The following CSMD1 variants were observed in gnomAD, a reference collection of about 807,000 sequenced individuals.
CSMD1 encodes the protein CUB and sushi domain-containing protein 1.
In CSMD1, 213 loss-of-function variants were observed where a neutral mutation model predicts 417.5. That is an observed-to-expected ratio of 0.51 (90% CI 0.46 to 0.57). CSMD1 has a LOEUF of 0.57. Among genes scored for constraint, CSMD1 ranks in the 20% least tolerant of loss-of-function variants. The probability of loss-of-function intolerance (pLI) is 0.00; values close to 1 mark genes in which losing one functional copy is unlikely to be tolerated. For synonymous variants in CSMD1, 2,862 were observed against 1,736.8 expected (o/e 1.65, Z -16.11); for missense variants, 6,923 against 4,529.7 (o/e 1.53, Z -15.17).
At chr8:4,860,031 C>A (rs1333717214) in intron 1 of CSMD1, among the ~76,000 whole-genome samples, 1 of 151,890 alleles carries the variant, frequency 6.6e-6, no homozygotes, top group East Asian at 1.9e-4. Context: ...CAATGATAGA[C>A]TGGATTAAGA....
intron 7 of CSMD1, among the ~76,000 whole-genome samples, chr8:3,638,631 G>A (rs550376584): frequency 2.6e-5 from 4 of 152,164 alleles, no homozygotes; most frequent in Admixed American, 6.5e-5. Context: ...TCATGTGGAG[G>A]AGCAGGTGAA....
intron 5 of CSMD1, among the ~76,000 whole-genome samples, chr8:3,901,872 C>G (rs534477484): frequency 3.9e-5 from 6 of 152,280 alleles, no homozygotes; most frequent in South Asian, 4.2e-4. Flanking sequence ...GTACTCTTCT[C>G]TAGTGCTTTT....
At chr8:2,994,135 A>G (rs1171314543) in intron 54 of CSMD1, among the ~76,000 whole-genome samples, 1 of 138,642 alleles carries the variant, frequency 7.2e-6, no homozygotes, top group African/African-American at 3.0e-5. Flanking sequence ...AACAGAGCAA[A>G]ACTCCATCTC....
At chr8:4,650,213 C>T (rs920060468) in intron 1 of CSMD1, among the ~76,000 whole-genome samples, 2 of 151,724 alleles carry the variant, frequency 1.3e-5, no homozygotes, top group East Asian at 1.9e-4. Flanking sequence ...GGTGTGGTGG[C>T]GGGCGCCTGT....
chr8:3,952,291 C>T (rs868300086), intron 5 of CSMD1, among the ~76,000 whole-genome samples: 13 of 152,058 alleles, frequency 8.5e-5, no homozygotes, highest in East Asian at 5.8e-4. Flanking sequence ...CTAGAGGCTA[C>T]GCGAAAGGTG....
chr8:4,303,166 T>C (rs1798070412), intron 3 of CSMD1, among the ~76,000 whole-genome samples: 1 of 152,136 alleles, frequency 6.6e-6, no homozygotes, highest in African/African-American at 2.4e-5. Context: ...AAACATATAA[T>C]AGGGCATGAA....
At chr8:4,056,029 G>C (rs929713181) in intron 3 of CSMD1, among the ~76,000 whole-genome samples, 1 of 150,976 alleles carries the variant, frequency 6.6e-6, no homozygotes, top group Admixed American at 6.6e-5. Context: ...ATTTCCTCCT[G>C]GGAAAATTGA....
At chr8:4,227,997 C>A (rs1042915654) in intron 3 of CSMD1, among the ~76,000 whole-genome samples, 26 of 150,908 alleles carry the variant, frequency 1.7e-4, no homozygotes, top group Non-Finnish European at 3.3e-4. Context: ...CTACATTAAA[C>A]CCCACACCTG....
At position 3,387,632 on chromosome 8, in the gene CSMD1, C is replaced by A; in HGVS notation, c.2644G>T (p.Gly882Cys). Residue 882 changes from glycine (G) to cysteine (C), a missense_variant, in exon 18 of 70, where the codon GGC becomes TGC. Gly to Cys is a radical substitution (Grantham distance 159). Coordinates refer to ENST00000635120, the MANE Select transcript of CSMD1 (RefSeq NM_033225.6). ...CCAAAGTCTCCACCGTGGCGATGGC[C>A]GTTCACAGGGATGCCCGGGTCCAGG... ...SCLDPGIPVN[G>C]HRHGGDFGIR... The A allele has an allele frequency of 6.2e-7, 1 of 1,600,976 alleles. No individual in the cohort carries two copies. Among genetic ancestry groups the A allele is most frequent in the Non-Finnish European group, 8.5e-7 (1 of 1,173,640 alleles).
intron 26 of CSMD1, among the ~76,000 whole-genome samples, chr8:3,257,598 G>A (rs1001109966): frequency 6.6e-6 from 1 of 152,174 alleles, no homozygotes; most frequent in Admixed American, 6.5e-5. Context: ...AAGTTCCCCT[G>A]AGATGATGAC....
At chr8:3,217,745 C>T (rs1201742791) in intron 29 of CSMD1, among the ~76,000 whole-genome samples, 2 of 151,964 alleles carry the variant, frequency 1.3e-5, no homozygotes, top group Non-Finnish European at 2.9e-5. Flanking sequence ...TAGTAAATAC[C>T]CCTAAGTGTG....
chr8:3,464,185 C>G (rs1483452720), intron 12 of CSMD1, among the ~76,000 whole-genome samples: 1 of 152,134 alleles, frequency 6.6e-6, no homozygotes, highest in African/African-American at 2.4e-5. Context: ...AGTTCATCAA[C>G]TAGTGTGATG....
At chr8:3,720,620 TACACACACACAC>T (rs1554520854) in intron 6 of CSMD1, among the ~76,000 whole-genome samples, 10 of 143,322 alleles carry the variant, frequency 7.0e-5, no homozygotes, top group Non-Finnish European at 1.4e-4. Context: ...TCTTTATTCT[TACACACACACAC>T]ACACACACAC....
chr8:4,168,932 T>C (rs780864751), intron 3 of CSMD1, among the ~76,000 whole-genome samples: 6 of 152,294 alleles, frequency 3.9e-5, no homozygotes, highest in East Asian at 1.9e-4. Context: ...CTGTTTAACC[T>C]TGGCCTTTGA....
At chr8:3,017,754 C>T (rs1410682128) in intron 52 of CSMD1, among the ~76,000 whole-genome samples, 1 of 146,678 alleles carries the variant, frequency 6.8e-6, no homozygotes, top group African/African-American at 2.6e-5. Flanking sequence ...TGATCTTTGC[C>T]CATGCAGATT....
At chr8:3,181,548 A>G (rs1821328327) in intron 36 of CSMD1, among the ~76,000 whole-genome samples, 1 of 152,154 alleles carries the variant, frequency 6.6e-6, no homozygotes, top group Non-Finnish European at 1.5e-5. Flanking sequence ...ACATGAACAG[A>G]GAGGAAAGAA....
chr8:3,384,048 A>C (rs1810808490), intron 18 of CSMD1, among the ~76,000 whole-genome samples: 1 of 152,090 alleles, frequency 6.6e-6, no homozygotes, highest in African/African-American at 2.4e-5. Flanking sequence ...CCTGGGAGGC[A>C]GTGACTGGGC....
At chr8:3,435,601 C>T (rs1056860843) in intron 12 of CSMD1, among the ~76,000 whole-genome samples, 11 of 152,138 alleles carry the variant, frequency 7.2e-5, no homozygotes, top group African/African-American at 2.7e-4. Context: ...ACCACACCTC[C>T]AACCTAGCGA....
intron 3 of CSMD1, among the ~76,000 whole-genome samples, chr8:4,401,781 G>A (rs564973931): frequency 7.5e-4 from 114 of 152,218 alleles, no homozygotes; most frequent in Middle Eastern, 6.8e-3. Context: ...CCGCAGCCCT[G>A]TCCAGCAGTG....
Sources: gnomAD v4.1 joint callset for allele counts (sites outside exome capture counted in the v4.1 genomes callset) on GRCh38, gnomAD v4.1.1 for gene constraint, MANE v1.5 for transcripts, NCBI Gene and HGNC (gene_info 2026-07-23, HGNC 2026-07-21) for gene names.